SLC23A2: variants seen among roughly 807,000 people sequenced by gnomAD.
The protein encoded by SLC23A2 is Na(+)/L-ascorbic acid transporter 2.
SLC23A2 carries 36 observed loss-of-function variants against 73.3 expected under a neutral mutation model. The observed-to-expected ratio is 0.49, with a 90% confidence interval of 0.38 to 0.65. The LOEUF (loss-of-function observed/expected upper bound fraction) is 0.65. Ranked by LOEUF, SLC23A2 falls within the 30% of genes least tolerant of loss-of-function variation. SLC23A2 has a pLI of 0.00. For missense variants in SLC23A2, 507 were observed against 841.6 expected, an observed-to-expected ratio of 0.60 and a Z score of 4.92; for synonymous variants, 343 against 327.3, an observed-to-expected ratio of 1.05 and a Z score of -0.52.
chr20:4,991,729 C>T (rs1246827894), intron 1 of SLC23A2, among the ~76,000 whole-genome samples: 2 of 135,598 alleles, frequency 1.5e-5, no homozygotes, highest in Non-Finnish European at 3.2e-5. Context: ...TTCACACACA[C>T]ACACACACAC....
intron 3 of SLC23A2, among the ~76,000 whole-genome samples, chr20:4,924,318 T>C (rs1932598296): frequency 6.6e-6 from 1 of 152,216 alleles, no homozygotes; most frequent in African/African-American, 2.4e-5. Context: ...GAGTTTCTCC[T>C]GACATACTTT....
At chr20:4,963,347 A>G (rs1381554105) in intron 2 of SLC23A2, among the ~76,000 whole-genome samples, 1 of 152,156 alleles carries the variant, frequency 6.6e-6, no homozygotes, top group Non-Finnish European at 1.5e-5. Context: ...CGAAGGGTAT[A>G]TACCTAAAGA....
At chr20:4,983,705 C>T (rs2087770099) in intron 1 of SLC23A2, among the ~76,000 whole-genome samples, 1 of 150,180 alleles carries the variant, frequency 6.7e-6, no homozygotes, top group South Asian at 2.1e-4. Context: ...ACCTGTAATC[C>T]CAGCACTTTG....
At chr20:4,997,539 C>G (rs991541110) in intron 1 of SLC23A2, among the ~76,000 whole-genome samples, 6 of 134,150 alleles carry the variant, frequency 4.5e-5, no homozygotes, top group Non-Finnish European at 7.1e-5. Flanking sequence ...TGAAGCCCTA[C>G]CCCCACAATG....
At chr20:4,936,539 C>T (rs2086964567) in intron 2 of SLC23A2, among the ~76,000 whole-genome samples, 1 of 152,150 alleles carries the variant, frequency 6.6e-6, no homozygotes, top group South Asian at 2.1e-4. Context: ...CATCCTGCCT[C>T]AGCCTCCCAC....
In SLC23A2 at chr20:4,905,950, A is replaced by G. The variant is rs115239740; in HGVS notation, c.208-3392T>C. Among the ~76,000 whole-genome samples the G allele has an allele frequency of 6.6e-3, 1,011 of 152,340 alleles. 16 individuals are homozygous for G. The highest frequency in any genetic ancestry group is 0.023 in the African/African-American group (962 of 41,574). The stretch of plus-strand genomic sequence containing the variant: ...TAGCGTTTCAAACTGATTATCATAA[A>G]GTAGCATGTATTATTCTCTTGTACA... On this transcript the variant is annotated intron_variant, in intron 4 of 16. Transcript: ENST00000338244.
At chr20:4,892,830 C>T (rs1335497761) in intron 6 of SLC23A2, among the ~76,000 whole-genome samples, 1 of 151,964 alleles carries the variant, frequency 6.6e-6, no homozygotes, top group African/African-American at 2.4e-5. Context: ...AAGGTGGAGA[C>T]AGCAAAGAGA....
At position 4,983,817 on chromosome 20, in the gene SLC23A2, G is replaced by C. The variant is rs1489038728; in HGVS notation, c.-281-12898C>G. 2.0e-5 allele frequency among the ~76,000 whole-genome samples: 3 copies of C among 151,598 alleles called. No individual in the cohort carries two copies. The East Asian group carries it at 5.8e-4, about 29-fold the overall frequency. On this transcript the variant is annotated intron_variant, in intron 1 of 16. Coordinates refer to ENST00000338244, the MANE Select transcript of SLC23A2 (RefSeq NM_005116.6). ...ACTAAAAATACAAAATTAGCCAGGC[G>C]TGGTGGTGCATGCCTGTAATCCCTG...
Position 4,862,776 on chromosome 20 carries a change from A to T in SLC23A2, c.1486+2T>A, listed in dbSNP as rs778859781. On this transcript the variant is annotated splice_donor_variant, in intron 14 of 16. Transcript: ENST00000338244. LOFTEE classifies it high-confidence loss of function. This position sits in a 1 kb window ranked among gnomAD's most constrained non-coding sequence, Gnocchi z 5.1. Reference sequence around the variant, plus strand: ...GGAAAAAGCCAGAGAGGGGAGTCTTACCAAAGAGCGTGCAGAACAGGGCTC... The same window carrying T: ...GGAAAAAGCCAGAGAGGGGAGTCTTTCCAAAGAGCGTGCAGAACAGGGCTC... 1.2e-6 allele frequency: 2 copies of T among 1,610,282 alleles called. No individual in the cohort carries two copies. The highest frequency in any genetic ancestry group is 1.3e-5 in the African/African-American group (1 of 74,850).
At chr20:4,995,884 A>T (rs143570584) in intron 1 of SLC23A2, among the ~76,000 whole-genome samples, 1 of 152,146 alleles carries the variant, frequency 6.6e-6, no homozygotes, top group Non-Finnish European at 1.5e-5. Context: ...GCTCCCTGGC[A>T]CTCAACTGAC....
At chr20:4,898,404 G>C (rs1348192205) in intron 6 of SLC23A2, among the ~76,000 whole-genome samples, 1 of 152,212 alleles carries the variant, frequency 6.6e-6, no homozygotes, top group Non-Finnish European at 1.5e-5. Context: ...TGCCGCGTTA[G>C]GGCAACCCTG....
chr20:4,979,763 A>G (rs1367352688), intron 1 of SLC23A2, among the ~76,000 whole-genome samples: 2 of 152,182 alleles, frequency 1.3e-5, no homozygotes, highest in East Asian at 1.9e-4. Context: ...AATGTTTCCT[A>G]TGAAACTTTA....
In SLC23A2 at chr20:4,885,812, T is replaced by C. The variant is rs374973156; in HGVS notation, c.571+9A>G. ...CCCCAATGACATATGTGGAAATAAC[T>C]GCAATTACCTGTGGTGTTACATTTC... On this transcript the variant is annotated intron_variant, in intron 7 of 16. Transcript: ENST00000338244. 4 of 1,592,776 alleles carry C rather than the reference T, an allele frequency of 2.5e-6. No homozygotes were observed. In the African/African-American group the frequency reaches 5.4e-5, roughly 21 times the overall value.
intron 2 of SLC23A2, among the ~76,000 whole-genome samples, chr20:4,956,215 C>T (rs1360865412): frequency 2.0e-5 from 3 of 152,140 alleles, no homozygotes; most frequent in Non-Finnish European, 4.4e-5. Flanking sequence ...CATTTGGAAT[C>T]ATCATTTCTG....
chr20:4,926,491 T>C (rs1744602753), intron 3 of SLC23A2, among the ~76,000 whole-genome samples: 1 of 150,942 alleles, frequency 6.6e-6, no homozygotes, highest in African/African-American at 2.4e-5. Flanking sequence ...GGTACGATCG[T>C]TCATCAGAAT....
chr20:4,898,900 G>A (rs1410821194), intron 6 of SLC23A2, among the ~76,000 whole-genome samples: 1 of 152,228 alleles, frequency 6.6e-6, no homozygotes, highest in Non-Finnish European at 1.5e-5. Context: ...AGAGTCGGGA[G>A]GGCAGGACAA....
chr20:4,919,850 C>A (rs1413669755), intron 3 of SLC23A2, among the ~76,000 whole-genome samples: 3 of 152,158 alleles, frequency 2.0e-5, no homozygotes, highest in African/African-American at 7.2e-5. Flanking sequence ...ATGGAAGGGA[C>A]ACAAACCCAA....
intron 5 of SLC23A2, among the ~76,000 whole-genome samples, chr20:4,900,743 C>T (rs1172355025): frequency 6.6e-6 from 1 of 152,160 alleles, no homozygotes; most frequent in African/African-American, 2.4e-5. Context: ...TTGGGAGTCC[C>T]CCCAACCCCC....
At chr20:4,910,012 G>C (rs1008609467) in intron 4 of SLC23A2, among the ~76,000 whole-genome samples, 2 of 152,218 alleles carry the variant, frequency 1.3e-5, no homozygotes, top group African/African-American at 4.8e-5. Context: ...ATCCAGTGCA[G>C]GCTCTTTAAT....
Sources: gnomAD v4.1 joint callset for allele counts (sites outside exome capture counted in the v4.1 genomes callset) on GRCh38, gnomAD v4.1.1 for gene constraint, Gnocchi (gnomAD v3.1) non-coding constraint, MANE v1.5 for transcripts, NCBI Gene and HGNC (gene_info 2026-07-23, HGNC 2026-07-21) for gene names.